The following EFCAB6 variants were observed in gnomAD, a reference collection of about 807,000 sequenced individuals.
EFCAB6 encodes EF-hand calcium binding domain 6, also known as EF-hand calcium-binding domain-containing protein 6.
In EFCAB6, 156 loss-of-function variants were observed where a neutral mutation model predicts 169.8. The ratio of observed to expected loss-of-function variants is 0.92; its 90% CI spans 0.81 to 1.05. EFCAB6 has a LOEUF of 1.05. Among genes scored for constraint, EFCAB6 ranks in the 50% least tolerant of loss-of-function variants. EFCAB6 has a pLI of 0.00. For missense variants in EFCAB6, 1,800 were observed against 1,829.1 expected (o/e 0.98, Z 0.29); for synonymous variants, 698 against 676.4 (o/e 1.03, Z -0.50).
At chr22:43,583,301 G>A (rs981847573) in intron 24 of EFCAB6, among the ~76,000 whole-genome samples, 2 of 151,018 alleles carry the variant, frequency 1.3e-5, no homozygotes, top group Non-Finnish European at 2.9e-5. Flanking sequence ...GCCCTCTTCT[G>A]CTTGCTCTTT....
chr22:43,808,639 G>A (rs1447102479), intron 2 of EFCAB6, among the ~76,000 whole-genome samples: 3 of 152,134 alleles, frequency 2.0e-5, no homozygotes, highest in African/African-American at 2.4e-5. Context: ...AAATCAGACA[G>A]AGCATTGGGC....
chr22:43,556,951 C>T (rs2048742693), intron 26 of EFCAB6, among the ~76,000 whole-genome samples: 1 of 152,202 alleles, frequency 6.6e-6, no homozygotes, highest in Admixed American at 6.5e-5. Flanking sequence ...AATACACGAG[C>T]ATGTCCCTAA....
At chr22:43,649,774 G>C (rs886302315) in intron 17 of EFCAB6, among the ~76,000 whole-genome samples, 1 of 152,144 alleles carries the variant, frequency 6.6e-6, no homozygotes, top group Non-Finnish European at 1.5e-5. Flanking sequence ...GAGGCAACCA[G>C]GACCCAGAGG....
intron 15 of EFCAB6, among the ~76,000 whole-genome samples, chr22:43,671,328 A>C (rs1207074600): frequency 6.6e-6 from 1 of 152,054 alleles, no homozygotes; most frequent in Admixed American, 6.5e-5. Context: ...CAGCCTCCCA[A>C]GTAGCTGGGA....
intron 10 of EFCAB6, among the ~76,000 whole-genome samples, chr22:43,701,528 T>C (rs2058765608): frequency 6.6e-6 from 1 of 151,976 alleles, no homozygotes; most frequent in Admixed American, 6.6e-5. Flanking sequence ...TTTAGATTGA[T>C]GAAACAGAAT....
In EFCAB6 at chr22:43,754,071, G is replaced by A. The variant is rs186328331; in HGVS notation, c.507+1695C>T. Among the ~76,000 whole-genome samples, 138 of 152,224 alleles carry A rather than the reference G, an allele frequency of 9.1e-4. 1 individual carries two copies. The highest frequency in any genetic ancestry group is 1.4e-3 in the Non-Finnish European group (97 of 68,028). On this transcript the variant is annotated intron_variant, in intron 6 of 31. Transcript: ENST00000262726. The stretch of plus-strand genomic sequence containing the variant: ...TACTGCACAAAGCACACAGTTGAGG[G>A]GTGTACTGATTTGTTCTCTTTATTT...
rs542505828 is a variant in EFCAB6 at position 43,772,362 on chromosome 22, G to A, written c.351+530C>T. Among the ~76,000 whole-genome samples the A allele has an allele frequency of 6.6e-5, 10 of 152,296 alleles. No homozygotes were observed. The East Asian group carries it at 1.2e-3, about 18-fold the overall frequency. The stretch of plus-strand genomic sequence containing the variant: ...CCTTAAAAGAAATGAAAAGAAGGCC[G>A]GGTGCAGTGGCTCATGCCTGTAATC... On this transcript the variant is annotated intron_variant, in intron 4 of 31. Transcript: ENST00000262726.
In EFCAB6 at chr22:43,709,196, C is replaced by T. The variant is rs550295040; in HGVS notation, c.1031+2279G>A. Among the ~76,000 whole-genome samples the T allele has an allele frequency of 5.7e-3, 867 of 152,262 alleles. 6 individuals are homozygous for T. Among genetic ancestry groups the T allele is most frequent in the Non-Finnish European group, 6.4e-3 (438 of 68,028 alleles). On this transcript the variant is annotated intron_variant, in intron 10 of 31. Transcript: ENST00000262726. ...TCCTGGGTTCAAGCGATTCTCCTGC[C>T]TCAGCCTCCCAAATAGCTGGGATTA... is the stretch of plus-strand genomic sequence containing the variant.
In EFCAB6 at chr22:43,615,917, T is replaced by C; in HGVS notation, c.2471A>G (p.Lys824Arg). Residue 824 changes from lysine to arginine, a missense_variant, in exon 21 of 32, where the codon AAA becomes AGA. Physicochemically the swap from Lys to Arg is conservative, Grantham distance 26. Coordinates refer to ENST00000262726, the MANE Select transcript of EFCAB6 (RefSeq NM_022785.4). ...TAGTTCTGAATCCGCAACCTTCTGT[T>C]TTGGTCTTAAAAGAAAAAAAATAAT... ...DEAPQRLIRP[K>R]QKVADSELAC... 1 of 1,612,664 alleles carries C rather than the reference T, an allele frequency of 6.2e-7. No individual in the cohort carries two copies. Among genetic ancestry groups the C allele is most frequent in the Non-Finnish European group, 8.5e-7 (1 of 1,179,682 alleles).
At chr22:43,716,065 T>C (rs904282783) in intron 9 of EFCAB6, among the ~76,000 whole-genome samples, 3 of 152,248 alleles carry the variant, frequency 2.0e-5, no homozygotes, top group Admixed American at 2.0e-4. Context: ...ATTTTATCAG[T>C]CTTTTTCTTT....
intron 24 of EFCAB6, among the ~76,000 whole-genome samples, chr22:43,581,975 A>G (rs573684549): frequency 1.3e-5 from 2 of 152,334 alleles, no homozygotes; most frequent in East Asian, 1.9e-4. Flanking sequence ...AATAATCTAC[A>G]TATAATTACA....
chr22:43,601,447 G>A (rs188703973), intron 22 of EFCAB6, among the ~76,000 whole-genome samples: 231 of 152,356 alleles, frequency 1.5e-3, no homozygotes, highest in Middle Eastern at 3.4e-3. Flanking sequence ...CAAGGAATGA[G>A]ACTATATTTA....
chr22:43,638,786 G>A (rs932612770), intron 17 of EFCAB6, among the ~76,000 whole-genome samples: 1 of 151,116 alleles, frequency 6.6e-6, no homozygotes, highest in African/African-American at 2.4e-5. Context: ...CCTGCACCCT[G>A]TTCTTTTTTT....
chr22:43,773,037 G>T lies in EFCAB6; in HGVS notation c.206C>A (p.Thr69Asn). ...DVKRILFQKI[T>N]DRGDELQKAF... ...TTTTTGCAACTCATCCCCTCTGTCGGTAATTTTTTGAAATAAAATCCGTTT... is the reference window on the plus strand; with the variant it reads ...TTTTTGCAACTCATCCCCTCTGTCGTTAATTTTTTGAAATAAAATCCGTTT... The change falls in exon 4 of 32, where the codon ACC becomes AAC. Residue 69 changes from threonine to asparagine, a missense_variant. Physicochemically the swap from Thr to Asn is moderately conservative, Grantham distance 65. Coordinates refer to ENST00000262726, the MANE Select transcript of EFCAB6 (RefSeq NM_022785.4). The T allele has an allele frequency of 6.2e-7, 1 of 1,614,190 alleles. No individual in the cohort carries two copies. Among genetic ancestry groups the T allele is most frequent in the South Asian group, 1.1e-5 (1 of 91,088 alleles).
At chr22:43,738,445 A>G (rs751367566) in intron 6 of EFCAB6, among the ~76,000 whole-genome samples, 5 of 151,324 alleles carry the variant, frequency 3.3e-5, no homozygotes, top group Non-Finnish European at 7.4e-5. Flanking sequence ...ATGCACATAT[A>G]CTCACATACA....
chr22:43,703,576 C>T (rs1279553945), intron 10 of EFCAB6, among the ~76,000 whole-genome samples: 2 of 148,198 alleles, frequency 1.3e-5, no homozygotes, highest in Non-Finnish European at 3.0e-5. Context: ...CAGTGAGCTA[C>T]AAGAATAGAT....
intron 17 of EFCAB6, among the ~76,000 whole-genome samples, chr22:43,643,804 C>T (rs1367209974): frequency 6.6e-6 from 1 of 152,036 alleles, no homozygotes; most frequent in Non-Finnish European, 1.5e-5. Flanking sequence ...AATTCAGTGG[C>T]TTACAACAAA....
intron 10 of EFCAB6, 66 bp downstream of exon 10, chr22:43,711,409 G>T: frequency 7.0e-7 from 1 of 1,429,254 alleles, no homozygotes; most frequent in East Asian, 2.5e-5. Context: ...AATAAACGAA[G>T]CTGTGCCTTA....
intron 22 of EFCAB6, among the ~76,000 whole-genome samples, chr22:43,603,850 T>C (rs2052712402): frequency 6.6e-6 from 1 of 152,228 alleles, no homozygotes; most frequent in Non-Finnish European, 1.5e-5. Context: ...TTTGGATTTG[T>C]GTCCCCACCC....
Sources: gnomAD v4.1 joint callset for allele counts (sites outside exome capture counted in the v4.1 genomes callset) on GRCh38, gnomAD v4.1.1 for gene constraint, MANE v1.5 for transcripts, NCBI Gene and HGNC (gene_info 2026-07-23, HGNC 2026-07-21) for gene names.